Variants in RBM6 observed in about 807,000 individuals in gnomAD.
RBM6 encodes the protein RNA binding motif protein 6.
Under a neutral mutation model 140.4 loss-of-function variants are expected in RBM6, and 23 were observed. That is an observed-to-expected ratio of 0.16 (90% CI 0.12 to 0.23). RBM6 has a LOEUF of 0.23. RBM6 is among the 10% of genes least tolerant of loss of function. The pLI is 1.00. For missense variants in RBM6, 1,139 were observed against 1,386.7 expected, an observed-to-expected ratio of 0.82 and a Z score of 2.84; for synonymous variants, 439 against 475.6, an observed-to-expected ratio of 0.92 and a Z score of 1.00.
chr3:50,025,487 C>T (rs1298739606), intron 6 of RBM6, among the ~76,000 whole-genome samples: 1 of 150,354 alleles, frequency 6.7e-6, no homozygotes, highest in Non-Finnish European at 1.5e-5. Flanking sequence ...TGCACTTATT[C>T]CTGTTAATAT....
chr3:49,989,571 A>AAAATAAAT (rs756206534), intron 5 of RBM6, among the ~76,000 whole-genome samples: 1 of 152,060 alleles, frequency 6.6e-6, no homozygotes, highest in South Asian at 2.1e-4. Context: ...AAACTGTCTC[A>AAAATAAAT]AAATAAATAA....
intron 5 of RBM6, among the ~76,000 whole-genome samples, chr3:49,994,089 G>T (rs916582425): frequency 2.0e-5 from 3 of 152,084 alleles, no homozygotes; most frequent in Admixed American, 6.6e-5. Flanking sequence ...TTTGAGACAG[G>T]GTCTCACTCT....
At chr3:50,058,865 G>A (rs992518972) in intron 10 of RBM6, 2 of 186,870 alleles carry the variant, frequency 1.1e-5, no homozygotes, top group East Asian at 1.2e-4. Flanking sequence ...GCAGTGAGCC[G>A]AGATCGCGCC....
At chr3:49,998,799 A>T (rs1381710617) in intron 5 of RBM6, among the ~76,000 whole-genome samples, 1 of 152,192 alleles carries the variant, frequency 6.6e-6, no homozygotes, top group Non-Finnish European at 1.5e-5. Context: ...TTATGCTTTT[A>T]CACCTTCTTC....
intron 19 of RBM6, among the ~76,000 whole-genome samples, chr3:50,073,621 C>A (rs1026696839): frequency 3.9e-5 from 6 of 152,216 alleles, no homozygotes; most frequent in Non-Finnish European, 8.8e-5. Flanking sequence ...CCACACTGGA[C>A]TCCTACTCCC....
chr3:50,052,499 C>A (rs1481647340), intron 7 of RBM6, among the ~76,000 whole-genome samples: 1 of 152,216 alleles, frequency 6.6e-6, no homozygotes, highest in African/African-American at 2.4e-5. Context: ...AGAGACTATT[C>A]TTTCCCCATT....
At chr3:50,057,690 A>C in intron 8 of RBM6, 38 bp from the exon 9 acceptor site, 1 of 1,521,362 alleles carries the variant, frequency 6.6e-7, no homozygotes, top group Non-Finnish European at 8.8e-7. Context: ...TTTTTTGATA[A>C]AGCTTTCTAG....
At chr3:50,058,094 A>G in intron 9 of RBM6, 91 bp downstream of exon 9, 1 of 1,448,548 alleles carries the variant, frequency 6.9e-7, no homozygotes, top group Non-Finnish European at 9.3e-7. Flanking sequence ...TCTGCTTTCC[A>G]GTACCCTGAG....
Position 49,967,775 on chromosome 3 carries a change from G to T in RBM6, c.350G>T (p.Gly117Val), listed in dbSNP as rs553291527. The change falls in exon 3 of 21, where the codon GGT becomes GTT. Residue 117 changes from glycine to valine, a missense_variant. Gly to Val is a moderately radical substitution (Grantham distance 109). Transcript: ENST00000266022. This position sits in a 1 kb window ranked among gnomAD's most constrained non-coding sequence, Gnocchi z 4.0. ...GATTCATCACAGTTGGACTTCAGGGGTAGGGACATACATTCTGGGGATTTT... is the reference window on the plus strand; with the variant it reads ...GATTCATCACAGTTGGACTTCAGGGTTAGGGACATACATTCTGGGGATTTT... ...SRDSSQLDFR[G>V]RDIHSGDFRD... 3 of 1,614,136 alleles carry T rather than the reference G, an allele frequency of 1.9e-6. No individual in the cohort carries two copies. The highest frequency in any genetic ancestry group is 2.2e-5 in the South Asian group (2 of 91,072).
At chr3:49,994,274 C>T (rs1294866959) in intron 5 of RBM6, among the ~76,000 whole-genome samples, 1 of 151,898 alleles carries the variant, frequency 6.6e-6, no homozygotes, top group East Asian at 1.9e-4. Context: ...CATTATATTG[C>T]CGAGGCTGGG....
rs572000364 is a variant in RBM6, at chr3:50,012,731, A to G, written c.1557+13218A>G. Among the ~76,000 whole-genome samples, 6 of 138,356 alleles carry G rather than the reference A, an allele frequency of 4.3e-5. No individual in the cohort carries two copies. The East Asian group carries it at 1.1e-3, about 26-fold the overall frequency. 90.8% of individuals were successfully genotyped at this position (138,356 alleles called of 152,430 possible). The stretch of plus-strand genomic sequence containing the variant: ...AAATTCCTGTGTTCTTTTCACCTAG[A>G]TTCTACCTTTTTTTTTTTTTTTTTT... On this transcript the variant is annotated intron_variant, in intron 6 of 20. Coordinates refer to ENST00000266022, the MANE Select transcript of RBM6 (RefSeq NM_005777.3).
intron 2 of RBM6, among the ~76,000 whole-genome samples, chr3:49,964,654 A>G (rs1269306142): frequency 1.3e-5 from 2 of 152,222 alleles, no homozygotes; most frequent in African/African-American, 4.8e-5. Flanking sequence ...CCTCTCATCT[A>G]GATCAATGGG....
chr3:50,015,853 G>A (rs1415323814), intron 6 of RBM6, among the ~76,000 whole-genome samples: 2 of 152,146 alleles, frequency 1.3e-5, no homozygotes, highest in African/African-American at 2.4e-5. Flanking sequence ...GAGTACCCAC[G>A]TTATGATACA....
intron 6 of RBM6, among the ~76,000 whole-genome samples, chr3:50,012,515 G>A (rs184992830): frequency 6.6e-5 from 10 of 151,560 alleles, no homozygotes; most frequent in Non-Finnish European, 1.0e-4. Context: ...CTGCCACCAC[G>A]CCCGGCTAAG....
rs763815283 is a variant in RBM6, at chr3:50,077,008, G to A, written c.3247G>A (p.Ala1083Thr). 15 of 1,608,756 alleles carry A rather than the reference G, an allele frequency of 9.3e-6. No individual in the cohort carries two copies. In the Admixed American group the frequency reaches 2.5e-4, roughly 27 times the overall value. ...TTCATAGTTTGTCTTTGTTTTACAG[G>A]CTGAAGGCCGGATGAGGGGCCCCAG... The part of the protein sequence containing the change: ...GHPGLASSEE[A>T]EGRMRGPSVG... The change falls in exon 21 of 21, where the codon GCT (alanine) becomes ACT (threonine). Residue 1083 changes from alanine to threonine, a missense_variant and splice_region_variant. Around this residue, in one of 9 missense-constraint regions of RBM6, gnomAD observed 125 missense variants for 142.0 expected, o/e 0.88. Coordinates refer to ENST00000266022, the MANE Select transcript of RBM6 (RefSeq NM_005777.3).
chr3:49,966,618 A>G (rs2084528443), intron 2 of RBM6, among the ~76,000 whole-genome samples: 1 of 152,216 alleles, frequency 6.6e-6, no homozygotes, highest in African/African-American at 2.4e-5. Context: ...ACATTGGAAT[A>G]TGGAATATCA....
intron 1 of RBM6, among the ~76,000 whole-genome samples, chr3:49,953,912 C>A (rs1005732159): frequency 1.3e-5 from 2 of 151,972 alleles, no homozygotes; most frequent in African/African-American, 4.8e-5. Context: ...GCGGGGTAAT[C>A]GCCTGAATCA....
chr3:50,053,724 AGGGATTTCG>A (rs1262900757), intron 7 of RBM6, among the ~76,000 whole-genome samples: 3 of 152,192 alleles, frequency 2.0e-5, no homozygotes, highest in African/African-American at 7.2e-5. Context: ...GCAAAAGTTC[AGGGATTTCG>A]GGGTTGGGCA....
In RBM6 at chr3:50,015,435, T is replaced by A. The variant is rs1294197751; in HGVS notation, c.1557+15922T>A. ...TTTTATTTTATTATTATTATTATTT[T>A]TTTTTTTTTTTTTGAGATGGAGCCT... On this transcript the variant is annotated intron_variant, in intron 6 of 20. Coordinates refer to ENST00000266022, the MANE Select transcript of RBM6 (RefSeq NM_005777.3). 6.1e-3 allele frequency among the ~76,000 whole-genome samples: 874 copies of A among 143,654 alleles called. 11 individuals are homozygous for A. The highest frequency in any genetic ancestry group is 0.017 in the African/African-American group (648 of 39,130). 94.2% of individuals were successfully genotyped at this position (143,654 alleles called of 152,430 possible).
Sources: gnomAD v4.1 joint callset for allele counts (sites outside exome capture counted in the v4.1 genomes callset) on GRCh38, gnomAD v4.1.1 for gene constraint, gnomAD v4.1.1 regional missense constraint, Gnocchi (gnomAD v3.1) non-coding constraint, MANE v1.5 for transcripts, NCBI Gene and HGNC (gene_info 2026-07-23, HGNC 2026-07-21) for gene names.